Variants in KIF23 observed in about 807,000 individuals in gnomAD.
KIF23 encodes kinesin-like protein KIF23.
Under a neutral mutation model 137.5 loss-of-function variants are expected in KIF23, and 30 were observed. The observed-to-expected ratio is 0.22, with a 90% CI of 0.16 to 0.30. The LOEUF (loss-of-function observed/expected upper bound fraction) is 0.30, where lower values mean the gene tolerates loss of function less well. Ranked by LOEUF, KIF23 falls within the 10% of genes least tolerant of loss-of-function variation. KIF23 has a pLI of 1.00. For synonymous variants in KIF23, 367 were observed against 391.1 expected, an observed-to-expected ratio of 0.94 and a Z score of 0.73; for missense variants, 920 against 1,194.3, an observed-to-expected ratio of 0.77 and a Z score of 3.38.
At chr15:69,415,466 CTT>C (rs2056876046) in intron 1 of KIF23, among the ~76,000 whole-genome samples, 1 of 152,186 alleles carries the variant, frequency 6.6e-6, no homozygotes, top group East Asian at 1.9e-4. Context: ...ATCAAAATAA[CTT>C]TTTGATTGCC....
chr15:69,431,155 G>T (rs1430987821), intron 11 of KIF23, among the ~76,000 whole-genome samples: 2 of 152,228 alleles, frequency 1.3e-5, no homozygotes, highest in African/African-American at 4.8e-5. Flanking sequence ...GGAGGTGTTT[G>T]ATTGAGGAGA....
In KIF23 at chr15:69,444,724, G is replaced by A; in HGVS notation, c.2422-66G>A. On this transcript the variant is annotated intron_variant, in intron 19 of 23. Coordinates refer to ENST00000679126, the MANE Select transcript of KIF23 (RefSeq NM_001367805.3). The surrounding 1 kb of genome is among the most constrained non-coding windows in gnomAD (Gnocchi z 4.2). ...TGCTATGATACTGTCATCAACTAAT[G>A]TAGCCAAACCTGCTGCACTTCTAAT... is the stretch of plus-strand genomic sequence containing the variant. The A allele has an allele frequency of 1.3e-6, 2 of 1,524,044 alleles. No homozygotes were observed. The highest frequency in any genetic ancestry group is 8.9e-7 in the Non-Finnish European group (1 of 1,119,564). 94.4% of individuals were successfully genotyped at this position (1,524,044 alleles called of 1,614,324 possible).
At chr15:69,443,348 T>G (rs1026932996) in intron 19 of KIF23, among the ~76,000 whole-genome samples, 1 of 132,368 alleles carries the variant, frequency 7.6e-6, no homozygotes, top group African/African-American at 3.0e-5. Flanking sequence ...TTTTTTTTTT[T>G]TTTTTTTTGA....
At position 69,425,095 on chromosome 15, in the gene KIF23, T is replaced by C. The variant is rs561883029; in HGVS notation, c.735-187T>C. On this transcript the variant is annotated intron_variant, in intron 7 of 23. Coordinates refer to ENST00000679126, the MANE Select transcript of KIF23 (RefSeq NM_001367805.3). Reference sequence around the variant, plus strand: ...GGCCCTGAATTCAGATTTAATTTGTTAGGTTGGTGTTAGACCTGCTTTTTT... The same window carrying C: ...GGCCCTGAATTCAGATTTAATTTGTCAGGTTGGTGTTAGACCTGCTTTTTT... 2.3e-3 allele frequency among the ~76,000 whole-genome samples: 351 copies of C among 152,336 alleles called. 2 individuals are homozygous for C. Among genetic ancestry groups the C allele is most frequent in the African/African-American group, 8.2e-3 (341 of 41,570 alleles).
rs1245679303 is a variant in KIF23 at position 69,440,832 on chromosome 15, A to G, written c.2174A>G (p.His725Arg). Reference sequence around the variant, plus strand: ...CAACTCATGAGCCAGCCACAGCTACATAGGCGCTCTAACTCTTGCAGCAGC... The same window carrying G: ...CAACTCATGAGCCAGCCACAGCTACGTAGGCGCTCTAACTCTTGCAGCAGC... ...GQQLMSQPQLHRRSNSCSSIS... is the reference protein window; with the variant it reads ...GQQLMSQPQLRRRSNSCSSIS... Residue 725 changes from histidine to arginine, a missense_variant, in exon 19 of 24, where the codon CAT (histidine) becomes CGT (arginine). Around this residue, in one of 4 missense-constraint regions of KIF23, gnomAD observed 714 missense variants for 866.2 expected, o/e 0.82. Coordinates refer to ENST00000679126, the MANE Select transcript of KIF23 (RefSeq NM_001367805.3). 6 of 1,613,736 alleles carry G rather than the reference A, an allele frequency of 3.7e-6. No homozygotes were observed. The highest frequency in any genetic ancestry group is 4.5e-5 in the East Asian group (2 of 44,904).
rs547695653 is a variant in KIF23 at position 69,427,136 on chromosome 15, G to A, written c.1011+679G>A. ...TGTCTTTGCAAAAAAATAAAATAAG[G>A]CTAAAAAATAAAAAAATAAAAAAAT... is the stretch of plus-strand genomic sequence containing the variant. On this transcript the variant is annotated intron_variant, in intron 10 of 23. Coordinates refer to ENST00000679126, the MANE Select transcript of KIF23 (RefSeq NM_001367805.3). Among the ~76,000 whole-genome samples, 5 of 151,840 alleles carry A rather than the reference G, an allele frequency of 3.3e-5. No individual in the cohort carries two copies. The South Asian group carries it at 6.3e-4, about 19-fold the overall frequency.
intron 10 of KIF23, chr15:69,427,383 G>A (rs1341709952): frequency 8.8e-6 from 4 of 455,816 alleles, no homozygotes; most frequent in Admixed American, 7.1e-5. Flanking sequence ...TGGGAAGCTG[G>A]ATATCGAATC....
chr15:69,447,675 G>A (rs569120607), intron 23 of KIF23, 117 bp from the exon 24 acceptor site: 594 of 881,892 alleles, frequency 6.7e-4, no homozygotes, highest in Non-Finnish European at 9.2e-4. Context: ...TTCTCAGAGG[G>A]ACTTGAATTA....
intron 3 of KIF23, among the ~76,000 whole-genome samples, chr15:69,420,237 C>T (rs990737442): frequency 2.6e-5 from 4 of 151,978 alleles, no homozygotes; most frequent in African/African-American, 9.7e-5. Flanking sequence ...GCACTCCAGC[C>T]TGGGTGACAG....
intron 10 of KIF23, 30 bp downstream of exon 10, chr15:69,426,487 G>T: frequency 6.2e-7 from 1 of 1,605,372 alleles, no homozygotes; most frequent in East Asian, 2.2e-5. Context: ...AGTTTTTCTG[G>T]TTCTAACTCT....
rs1433189776 is a variant in KIF23, at chr15:69,445,175, T to G, written c.2673+134T>G. The G allele has an allele frequency of 2.3e-5, 20 of 888,394 alleles. No homozygotes were observed. The East Asian group carries it at 5.4e-4, about 24-fold the overall frequency. 55.0% of individuals were successfully genotyped at this position (888,394 alleles called of 1,614,324 possible). On this transcript the variant is annotated intron_variant, in intron 20 of 23. Transcript: ENST00000679126. ...CAGTAGGTATTTGATATAACCTTTT[T>G]GTTAGCAGAAAATTAGTCACTGCTT...
At chr15:69,434,410 C>A (rs1212776944) in intron 11 of KIF23, 1 of 367,260 alleles carries the variant, frequency 2.7e-6, no homozygotes, top group African/African-American at 2.1e-5. Context: ...CATTTAATAG[C>A]CGTTGCTTGC....
At chr15:69,436,849 G>A in intron 15 of KIF23, 127 bp downstream of exon 15, 1 of 518,278 alleles carries the variant, frequency 1.9e-6, no homozygotes, top group Non-Finnish European at 3.2e-6. Context: ...CCGCCTCCTG[G>A]GTTCAAGCGA....
intron 11 of KIF23, chr15:69,434,713 G>T: frequency 7.1e-7 from 1 of 1,400,910 alleles, no homozygotes; most frequent in Non-Finnish European, 1.0e-6. Context: ...AGATTGGGAG[G>T]ATCAGGGATC....
chr15:69,423,197 T>C lies in KIF23; in HGVS notation c.602T>C (p.Val201Ala). The stretch of plus-strand genomic sequence containing the variant: ...CCAGAGTTTGCAGATATGATAACTG[T>C]ACAAGAATTCTGCAAAGCAGAAGAG... ...VDPEFADMIT[V>A]QEFCKAEEVD... The change falls in exon 7 of 24, where the codon GTA becomes GCA. Residue 201 changes from valine (V) to alanine (A), a missense_variant. This residue lies in a region of KIF23 where 714 missense variants were observed against 866.2 expected (regional missense o/e 0.82). Transcript: ENST00000679126. 5 of 1,604,338 alleles carry C rather than the reference T, an allele frequency of 3.1e-6. No individual in the cohort carries two copies. Among genetic ancestry groups the C allele is most frequent in the Non-Finnish European group, 4.3e-6 (5 of 1,175,050 alleles).
chr15:69,428,428 G>A (rs573790558), intron 10 of KIF23, among the ~76,000 whole-genome samples: 9 of 151,742 alleles, frequency 5.9e-5, no homozygotes, highest in South Asian at 4.2e-4. Flanking sequence ...AGGCTGAGGC[G>A]GGCGGATCAA....
At chr15:69,415,868 G>A (rs560244349) in intron 1 of KIF23, 126 bp from the exon 2 acceptor site, 398 of 637,970 alleles carry the variant, frequency 6.2e-4, no homozygotes, top group Non-Finnish European at 8.1e-4. Context: ...TTGGGATGCA[G>A]TGTTTTGCAA....
At chr15:69,438,912 C>T (rs964457990) in intron 16 of KIF23, among the ~76,000 whole-genome samples, 7 of 151,846 alleles carry the variant, frequency 4.6e-5, no homozygotes, top group Non-Finnish European at 7.4e-5. Flanking sequence ...CAGACCAGAC[C>T]GGGCAACGTG....
chr15:69,423,945 T>C (rs995605333), intron 7 of KIF23, among the ~76,000 whole-genome samples: 3 of 152,212 alleles, frequency 2.0e-5, no homozygotes, highest in Non-Finnish European at 4.4e-5. Context: ...ATGTTTAATA[T>C]TAGTATCTTG....
Sources: gnomAD v4.1 joint callset for allele counts (sites outside exome capture counted in the v4.1 genomes callset) on GRCh38, gnomAD v4.1.1 for gene constraint, gnomAD v4.1.1 regional missense constraint, Gnocchi (gnomAD v3.1) non-coding constraint, MANE v1.5 for transcripts, NCBI Gene and HGNC (gene_info 2026-07-23, HGNC 2026-07-21) for gene names.